PRKRA: variants seen among roughly 807,000 people sequenced by gnomAD.
The protein encoded by PRKRA is interferon-inducible double-stranded RNA-dependent protein kinase activator A.
Under a neutral mutation model 32.4 loss-of-function variants are expected in PRKRA, and 22 were observed. The ratio of observed to expected loss-of-function variants is 0.68; its 90% CI spans 0.49 to 0.97. PRKRA has a LOEUF of 0.97. PRKRA is among the 50% of genes least tolerant of loss of function. The pLI is 0.00. For synonymous variants in PRKRA, 139 were observed against 129.8 expected (o/e 1.07, Z -0.48); for missense variants, 319 against 375.6 (o/e 0.85, Z 1.25).
At chr2:178,445,569 A>G (rs1697287124) in intron 3 of PRKRA, 1 of 154,606 alleles carries the variant, frequency 6.5e-6, no homozygotes, top group African/African-American at 2.4e-5. Context: ...AAAGTTTGTT[A>G]GCTTTTTTTG....
At chr2:178,433,316 T>C (rs561952726) in intron 7 of PRKRA, 1 of 152,368 alleles carries the variant, frequency 6.6e-6, no homozygotes, top group South Asian at 2.1e-4. Context: ...GGTGCTGCTA[T>C]GAATATACAG....
chr2:178,443,913 C>T (rs1697213083), intron 4 of PRKRA: 1 of 172,098 alleles, frequency 5.8e-6, no homozygotes, highest in Non-Finnish European at 1.3e-5. Context: ...GGGAAATGGC[C>T]TAACAGAGCA....
Position 178,446,992 on chromosome 2 carries a change from CAAAAAA to C in PRKRA, c.317+507_317+512del, listed in dbSNP as rs780283451. 8.7e-5 allele frequency among the ~76,000 whole-genome samples: 4 copies of C among 46,074 alleles called. No individual in the cohort carries two copies. In the Admixed American group the frequency reaches 9.9e-4, roughly 11 times the overall value. 30.2% of individuals were successfully genotyped at this position (46,074 alleles called of 152,430 possible). On this transcript the variant is annotated intron_variant, in intron 3 of 7. Transcript: ENST00000325748. ...TGGGCGACAGAGCGAGACTCCGTCT[CAAAAAA>C]AAAAAAAAAAAAAAAAAAATCTTAC...
At chr2:178,434,723 C>T (rs1696816559) in intron 7 of PRKRA, among the ~76,000 whole-genome samples, 1 of 152,134 alleles carries the variant, frequency 6.6e-6, no homozygotes, top group Non-Finnish European at 1.5e-5. Context: ...GTTCTTTGAG[C>T]CCCTAAGTGC....
chr2:178,433,484 CCAGTTTAT>C, intron 7 of PRKRA: 1 of 152,254 alleles, frequency 6.6e-6, no homozygotes, highest in East Asian at 1.9e-4. Flanking sequence ...GTGTAAGGTT[CCAGTTTAT>C]CTACATCATC....
At chr2:178,447,308 C>A (rs1042032809) in intron 3 of PRKRA, 197 bp downstream of exon 3, 7 of 903,120 alleles carry the variant, frequency 7.8e-6, no homozygotes, top group Non-Finnish European at 1.1e-5. Flanking sequence ...TGAGCACCTT[C>A]ATTTAATAGC....
At position 178,444,454 on chromosome 2, in the gene PRKRA, T is replaced by C. The variant is rs1048189497; in HGVS notation, c.364A>G (p.Lys122Glu). 3.1e-6 allele frequency: 5 copies of C among 1,606,936 alleles called. No individual in the cohort carries two copies. The highest frequency in any genetic ancestry group is 2.2e-5 in the East Asian group (1 of 44,850). The change falls in exon 4 of 8, where the codon AAG becomes GAG. Residue 122 changes from lysine to glutamate, a missense_variant. Transcript: ENST00000325748. ...GAACCAATAGGATTAAGCTGGTTCTTTGGTTGCTTGGAAGGGTCAGGCATT... is the reference window on the plus strand; with the variant it reads ...GAACCAATAGGATTAAGCTGGTTCTCTGGTTGCTTGGAAGGGTCAGGCATT... Reference protein sequence around the residue: ...PLMPDPSKQPKNQLNPIGSLQ... With the variant: ...PLMPDPSKQPENQLNPIGSLQ...
intron 3 of PRKRA, among the ~76,000 whole-genome samples, chr2:178,446,821 G>A (rs552024261): frequency 6.9e-4 from 105 of 151,684 alleles, no homozygotes; most frequent in Non-Finnish European, 1.2e-3. Context: ...GTGAAACCCC[G>A]TCTCTACTAA....
At position 178,450,338 on chromosome 2, in the gene PRKRA, T is replaced by C. The variant is rs1419815811; in HGVS notation, c.139A>G (p.Lys47Glu). The change falls in exon 2 of 8, where the codon AAG (lysine) becomes GAG (glutamate). Residue 47 changes from lysine to glutamate, a missense_variant. Physicochemically the swap from Lys to Glu is moderately conservative, Grantham distance 56 (BLOSUM62 1). Transcript: ENST00000325748. ...QVLHEYGMKTKNIPVYECERS... is the reference protein window; with the variant it reads ...QVLHEYGMKTENIPVYECERS... ...TCACATTCATAAACTGGGATGTTCT[T>C]GGTCTTCATGCCGTATTCGTGTAAT... is the stretch of plus-strand genomic sequence containing the variant. 2 of 1,614,162 alleles carry C rather than the reference T, an allele frequency of 1.2e-6. No homozygotes were observed. The highest frequency in any genetic ancestry group is 2.2e-5 in the East Asian group (1 of 44,904).
At chr2:178,450,784 G>A (rs1458403682) in intron 1 of PRKRA, 182 bp downstream of exon 1, 1 of 1,341,242 alleles carries the variant, frequency 7.5e-7, no homozygotes, top group East Asian at 3.0e-5. Flanking sequence ...CGAGAGGGGC[G>A]GGGCCCGGCC....
chr2:178,450,744 T>TCCGC, intron 1 of PRKRA: 1 of 1,354,576 alleles, frequency 7.4e-7, no homozygotes, highest in South Asian at 1.9e-5. Context: ...GAGCGTCACC[T>TCCGC]CCGCCCGCCC....
At chr2:178,434,459 C>T (rs1350737021) in intron 7 of PRKRA, among the ~76,000 whole-genome samples, 1 of 151,092 alleles carries the variant, frequency 6.6e-6, no homozygotes, top group Non-Finnish European at 1.5e-5. Flanking sequence ...ACTCTGTCAC[C>T]CAGGCTGGAG....
In PRKRA at chr2:178,431,933, G is replaced by T; in HGVS notation, c.*164C>A. The T allele has an allele frequency of 1.2e-6, 1 of 857,712 alleles. No individual in the cohort carries two copies. Among genetic ancestry groups the T allele is most frequent in the Non-Finnish European group, 1.8e-6 (1 of 553,392 alleles). The allele number at this position is 857,712 out of a possible 1,614,324, so 53.1% of individuals were successfully genotyped here. A position where few individuals can be genotyped will look rare whatever the true frequency, so the allele number is the denominator to read the frequency against. The stretch of plus-strand genomic sequence containing the variant: ...TACAAAGTTGAAGCCATTAAAAAGA[G>T]CTTAATAACAACTATGAGGAGATAA... On this transcript the variant is annotated 3_prime_UTR_variant, in exon 8 of 8. Transcript: ENST00000325748.
chr2:178,447,799 A>C, intron 2 of PRKRA, among the ~76,000 whole-genome samples: 1 of 152,310 alleles, frequency 6.6e-6, no homozygotes, highest in East Asian at 1.9e-4. Flanking sequence ...ATGTGAAAAA[A>C]TTTTAAAAAA....
chr2:178,444,161 C>T (rs1283703680), intron 4 of PRKRA, among the ~76,000 whole-genome samples: 2 of 152,098 alleles, frequency 1.3e-5, no homozygotes, highest in African/African-American at 4.8e-5. Context: ...AAGTATAAAA[C>T]ACTTTACCCA....
chr2:178,443,056 CTA>C (rs1301353796), intron 5 of PRKRA, among the ~76,000 whole-genome samples: 2 of 152,086 alleles, frequency 1.3e-5, no homozygotes, highest in African/African-American at 4.8e-5. Context: ...TATTAATAAT[CTA>C]TGATTTTTAA....
At chr2:178,432,317 A>G in intron 7 of PRKRA, 63 bp from the exon 8 acceptor site, 1 of 1,297,020 alleles carries the variant, frequency 7.7e-7, no homozygotes, top group Non-Finnish European at 1.0e-6. Flanking sequence ...ATCCCTTTGT[A>G]AAAACAATAC....
chr2:178,437,841 T>G (rs1424668980), intron 6 of PRKRA, among the ~76,000 whole-genome samples: 3 of 152,176 alleles, frequency 2.0e-5, no homozygotes, highest in Non-Finnish European at 4.4e-5. Context: ...TTCTACTGGG[T>G]TGTCTTTTTA....
In PRKRA at chr2:178,451,056, G is replaced by C. The variant is rs1024761283; in HGVS notation, c.-26C>G. On this transcript the variant is annotated 5_prime_UTR_variant, in exon 1 of 8. Coordinates refer to ENST00000325748, the MANE Select transcript of PRKRA (RefSeq NM_003690.5). ...GGCGAGAAGGGACGGCTCAGCGGCTGGAGGAAGAGCGGTGCGGAGCGACGT... is the reference window on the plus strand; with the variant it reads ...GGCGAGAAGGGACGGCTCAGCGGCTCGAGGAAGAGCGGTGCGGAGCGACGT... The C allele has an allele frequency of 1.9e-6, 3 of 1,551,226 alleles. No homozygotes were observed. The highest frequency in any genetic ancestry group is 2.6e-6 in the Non-Finnish European group (3 of 1,153,288).
Sources: gnomAD v4.1 joint callset for allele counts (sites outside exome capture counted in the v4.1 genomes callset) on GRCh38, gnomAD v4.1.1 for gene constraint, MANE v1.5 for transcripts, NCBI Gene and HGNC (gene_info 2026-07-23, HGNC 2026-07-21) for gene names.